Variants in ZNF362 observed in about 807,000 individuals in gnomAD.
The protein encoded by ZNF362 is rotund homolog.
ZNF362 carries 11 observed loss-of-function variants against 42.9 expected under a neutral mutation model. The ratio of observed to expected loss-of-function variants is 0.26; its 90% CI spans 0.16 to 0.42. The LOEUF (loss-of-function observed/expected upper bound fraction) is 0.42, where lower values mean the gene tolerates loss of function less well. ZNF362 is among the 20% of genes least tolerant of loss of function. The pLI is 1.00. For synonymous variants in ZNF362, 255 were observed against 257.3 expected (o/e 0.99, Z 0.09); for missense variants, 362 against 576.2 (o/e 0.63, Z 3.81).
At chr1:33,228,924 G>C in the ZNF362 span, among the ~76,000 whole-genome samples, 1 of 152,134 alleles carries the variant, frequency 6.6e-6, no homozygotes, top group African/African-American at 2.4e-5. Context: ...CCTACTGCTT[G>C]TTCGGTCCCT....
chr1:33,168,882 T>C, the ZNF362 span, among the ~76,000 whole-genome samples: 1 of 152,304 alleles, frequency 6.6e-6, no homozygotes, highest in East Asian at 1.9e-4. Context: ...CCCAGGCAGC[T>C]CTTCAGGATT....
chr1:33,283,300 G>A (rs1460633759), intron 6 of ZNF362, among the ~76,000 whole-genome samples: 1 of 151,802 alleles, frequency 6.6e-6, no homozygotes, highest in Non-Finnish European at 1.5e-5. Flanking sequence ...TTTTGTTTTT[G>A]TCATTTATTC....
intron 1 of ZNF362, chr1:33,261,174 A>T (rs1645825608): frequency 6.6e-6 from 1 of 152,060 alleles, no homozygotes; most frequent in African/African-American, 2.4e-5. Flanking sequence ...GCCCAACCTC[A>T]CTTGACCCTT....
At chr1:33,186,008 AAAT>A in the ZNF362 span, among the ~76,000 whole-genome samples, 2 of 152,332 alleles carry the variant, frequency 1.3e-5, no homozygotes, top group East Asian at 3.9e-4. Flanking sequence ...TAATCAGAAA[AAAT>A]AAAGAAAATT....
upstream of ZNF362, among the ~76,000 whole-genome samples, chr1:33,253,360 G>A (rs149445306): frequency 2.0e-5 from 3 of 150,826 alleles, no homozygotes; most frequent in Admixed American, 2.0e-4. Context: ...GGAAGGTTCT[G>A]GAAGGCTTTT....
At chr1:33,296,709 C>T (rs377176936) in intron 8 of ZNF362, among the ~76,000 whole-genome samples, 8 of 151,912 alleles carry the variant, frequency 5.3e-5, no homozygotes, top group African/African-American at 1.9e-4. Context: ...AAACTTGGCA[C>T]GTTACAAGAA....
chr1:33,266,062 A>T lies in ZNF362; in HGVS notation c.-88-4425A>T, dbSNP rs1419492888. ...CACCTTCCTGAAGTCTGTTCTTCCC[A>T]CAGTGAGATGAGTTCACCCTCCTGA... On this transcript the variant is annotated intron_variant, in intron 1 of 8. Transcript: ENST00000539719. This position sits in a 1 kb window ranked among gnomAD's most constrained non-coding sequence, Gnocchi z 4.3. Among the ~76,000 whole-genome samples, 14 of 152,114 alleles carry T rather than the reference A, an allele frequency of 9.2e-5. No homozygotes were observed. The highest frequency in any genetic ancestry group is 1.5e-5 in the Non-Finnish European group (1 of 68,018).
intron 6 of ZNF362, among the ~76,000 whole-genome samples, chr1:33,286,798 C>T (rs900120924): frequency 1.3e-5 from 2 of 152,112 alleles, no homozygotes; most frequent in African/African-American, 4.8e-5. Flanking sequence ...CTTATTTGTC[C>T]CTTGGCAGAG....
chr1:33,213,750 C>T, the ZNF362 span, among the ~76,000 whole-genome samples: 1 of 152,062 alleles, frequency 6.6e-6, no homozygotes, highest in Non-Finnish European at 1.5e-5. Context: ...GAGGCTGAGG[C>T]AGGAGAATCG....
chr1:33,232,467 T>C, the ZNF362 span, among the ~76,000 whole-genome samples: 3 of 152,146 alleles, frequency 2.0e-5, no homozygotes, highest in Non-Finnish European at 2.9e-5. Flanking sequence ...CTTCACCATG[T>C]GGGCAAGGCT....
chr1:33,282,103 C>T, intron 6 of ZNF362: 1 of 432,940 alleles, frequency 2.3e-6, no homozygotes, highest in South Asian at 2.7e-5. Context: ...CTAGCTTCCT[C>T]CAGGAAGCCC....
chr1:33,135,291 CAA>C, the ZNF362 span, among the ~76,000 whole-genome samples: 1 of 150,368 alleles, frequency 6.7e-6, no homozygotes, highest in Non-Finnish European at 1.5e-5. Context: ...CTCTCAAAAA[CAA>C]ACAAACAAAC....
At chr1:33,151,701 C>G in the ZNF362 span, among the ~76,000 whole-genome samples, 2 of 152,184 alleles carry the variant, frequency 1.3e-5, no homozygotes, top group Non-Finnish European at 2.9e-5. Context: ...TGAGGCAGCC[C>G]GTCTGGTCTC....
At chr1:33,217,566 C>G in the ZNF362 span, among the ~76,000 whole-genome samples, 21 of 152,196 alleles carry the variant, frequency 1.4e-4, no homozygotes, top group Non-Finnish European at 8.8e-5. Flanking sequence ...TGGGCTCCCC[C>G]ACCTGGGGAA....
chr1:33,159,212 G>A, the ZNF362 span, among the ~76,000 whole-genome samples: 2 of 151,736 alleles, frequency 1.3e-5, no homozygotes, highest in Non-Finnish European at 2.9e-5. The surrounding 1 kb of genome is among the most constrained non-coding windows in gnomAD (Gnocchi z 4.2). Context: ...GGACTGAGAG[G>A]GTTACAGTAA....
At chr1:33,216,017 TA>T in the ZNF362 span, among the ~76,000 whole-genome samples, 6 of 151,506 alleles carry the variant, frequency 4.0e-5, no homozygotes, top group African/African-American at 1.2e-4. Flanking sequence ...ACCTGTGATA[TA>T]TTTATAAAAA....
At chr1:33,173,439 A>ATG in the ZNF362 span, among the ~76,000 whole-genome samples, 1 of 151,920 alleles carries the variant, frequency 6.6e-6, no homozygotes, top group Non-Finnish European at 1.5e-5. Context: ...GTATGTGTGT[A>ATG]TGTGTGTGTG....
chr1:33,297,537 G>A (rs1646134141), intron 8 of ZNF362, among the ~76,000 whole-genome samples: 1 of 51,656 alleles, frequency 1.9e-5, no homozygotes, highest in Non-Finnish European at 3.1e-5. Context: ...TTTTGAGACG[G>A]AGTCTTGCTC....
At chr1:33,296,716 A>G in intron 8 of ZNF362, among the ~76,000 whole-genome samples, 1 of 152,192 alleles carries the variant, frequency 6.6e-6, no homozygotes, top group East Asian at 1.9e-4. Flanking sequence ...GCACGTTACA[A>G]GAACTCAAAG....
Sources: allele counts gnomAD v4.1 joint callset (sites outside exome capture counted in the v4.1 genomes callset), GRCh38; gene constraint gnomAD v4.1.1; non-coding constraint Gnocchi (gnomAD v3.1); transcripts MANE v1.5; gene names NCBI Gene and HGNC (gene_info 2026-07-23, HGNC 2026-07-21).